The following GPC5 variants were observed in gnomAD, a reference collection of about 807,000 sequenced individuals.
GPC5 encodes the protein glypican-5.
Under a neutral mutation model 53.9 loss-of-function variants are expected in GPC5, and 47 were observed. The observed-to-expected ratio is 0.87, with a 90% CI of 0.69 to 1.11. The LOEUF is 1.11. Among genes scored for constraint, GPC5 ranks in the 50% most tolerant of loss-of-function variants. GPC5 has a pLI of 0.00. For synonymous variants in GPC5, 286 were observed against 263.3 expected (o/e 1.09, Z -0.84); for missense variants, 748 against 713.1 (o/e 1.05, Z -0.56).
intron 7 of GPC5, among the ~76,000 whole-genome samples, chr13:92,777,566 C>T (rs1875864500): frequency 6.6e-6 from 1 of 152,122 alleles, no homozygotes; most frequent in African/African-American, 2.4e-5. Context: ...TTGCAGTGAG[C>T]CGAGGTCACA....
intron 3 of GPC5, among the ~76,000 whole-genome samples, chr13:91,719,511 A>G (rs996588951): frequency 6.6e-6 from 1 of 152,228 alleles, no homozygotes; most frequent in African/African-American, 2.4e-5. Context: ...CAAGTCAGAT[A>G]TCTCACATTA....
intron 7 of GPC5, among the ~76,000 whole-genome samples, chr13:92,749,927 T>C (rs1213106727): frequency 2.0e-5 from 3 of 152,200 alleles, no homozygotes; most frequent in Admixed American, 6.5e-5. Context: ...GGGAATGTTA[T>C]AGTAGAAGTA....
intron 7 of GPC5, among the ~76,000 whole-genome samples, chr13:92,417,172 T>C (rs1876346184): frequency 6.6e-6 from 1 of 152,252 alleles, no homozygotes; most frequent in African/African-American, 2.4e-5. Flanking sequence ...GGGGACCATC[T>C]GCACAGGCAA....
intron 7 of GPC5, among the ~76,000 whole-genome samples, chr13:92,445,247 TTCTC>T (rs150266642): frequency 3.5e-5 from 5 of 144,270 alleles, no homozygotes; most frequent in African/African-American, 5.2e-5. Flanking sequence ...TTCCTTTCCT[TTCTC>T]TCTCTCTCTC....
intron 6 of GPC5, among the ~76,000 whole-genome samples, chr13:92,060,788 A>AT (rs5805726): frequency 0.96 from 146,102 of 152,042 alleles, 70,502 homozygotes; most frequent in East Asian, 1. Flanking sequence ...AGGAATTACA[A>AT]TTGAGAATAG....
intron 5 of GPC5, among the ~76,000 whole-genome samples, chr13:91,819,169 T>TC (rs1191917937): frequency 2.2e-5 from 3 of 139,038 alleles, no homozygotes; most frequent in African/African-American, 8.1e-5. Flanking sequence ...TTTTTTTTTT[T>TC]TTTTTTTTGA....
chr13:91,475,147 C>A (rs1233751313), intron 2 of GPC5, among the ~76,000 whole-genome samples: 1 of 152,176 alleles, frequency 6.6e-6, no homozygotes, highest in Non-Finnish European at 1.5e-5. Context: ...AAAGCACATG[C>A]CAGCTGTTGC....
rs914476140 is a variant in GPC5, at chr13:91,622,496, T to G, written c.326-70691T>G. On this transcript the variant is annotated intron_variant, in intron 2 of 7. Coordinates refer to ENST00000377067, the MANE Select transcript of GPC5 (RefSeq NM_004466.6). ...GGACGTTGTGGTTTAGGATTTTGAT[T>G]TTTTTTCTCAGTTTAAAATATTCAC... is the stretch of plus-strand genomic sequence containing the variant. 2.0e-5 allele frequency among the ~76,000 whole-genome samples: 3 copies of G among 152,108 alleles called. No individual in the cohort carries two copies. In the South Asian group the frequency reaches 6.2e-4, roughly 32 times the overall value.
intron 7 of GPC5, among the ~76,000 whole-genome samples, chr13:92,561,782 A>G (rs1339267876): frequency 1.3e-5 from 2 of 152,174 alleles, no homozygotes; most frequent in African/African-American, 4.8e-5. Context: ...TGGAGTTTCT[A>G]TGGCAGGAGG....
intron 7 of GPC5, among the ~76,000 whole-genome samples, chr13:92,331,684 T>G (rs1219899506): frequency 3.8e-5 from 2 of 51,988 alleles, no homozygotes; most frequent in African/African-American, 1.7e-4. Flanking sequence ...TACATAGGGT[T>G]TTTTTTTTTG....
In GPC5 at chr13:91,621,363, G is replaced by A. The variant is rs139409946; in HGVS notation, c.326-71824G>A. 3.1e-3 allele frequency among the ~76,000 whole-genome samples: 479 copies of A among 152,194 alleles called. 2 individuals carry two copies. Among genetic ancestry groups the A allele is most frequent in the African/African-American group, 0.011 (467 of 41,522 alleles). ...CCCCTGCTCTGTCCATGTGGTTCAA[G>A]TGAGGTTAACCTCGACACTAGATGA... On this transcript the variant is annotated intron_variant, in intron 2 of 7. Transcript: ENST00000377067.
chr13:91,960,155 T>C (rs2040113429), intron 6 of GPC5, among the ~76,000 whole-genome samples: 1 of 126,836 alleles, frequency 7.9e-6, no homozygotes, highest in South Asian at 2.9e-4. Context: ...ACTGATAATA[T>C]GATCTTATTC....
intron 7 of GPC5, among the ~76,000 whole-genome samples, chr13:92,530,962 C>A (rs1404851248): frequency 6.6e-6 from 1 of 152,180 alleles, no homozygotes; most frequent in Non-Finnish European, 1.5e-5. Context: ...CTGCTTAAAT[C>A]CTTCAGTAGT....
At chr13:92,446,858 TG>T (rs1245476772) in intron 7 of GPC5, 2 of 151,416 alleles carry the variant, frequency 1.3e-5, no homozygotes, top group African/African-American at 4.8e-5. Flanking sequence ...ATTGCAGTTT[TG>T]ATTTGCATTT....
chr13:91,607,577 A>G (rs567543998), intron 2 of GPC5, among the ~76,000 whole-genome samples: 10 of 152,362 alleles, frequency 6.6e-5, no homozygotes, highest in Admixed American at 2.0e-4. Flanking sequence ...AAAAAAGCAC[A>G]TTTTATTTAT....
At chr13:92,781,258 C>G (rs1414958241) in intron 7 of GPC5, among the ~76,000 whole-genome samples, 2 of 151,988 alleles carry the variant, frequency 1.3e-5, no homozygotes, top group Non-Finnish European at 2.9e-5. Flanking sequence ...GTAGTATCCA[C>G]AAAATATATA....
chr13:92,166,940 TCTCTCTCTCTCTCTCTCACA>T (rs1452061053), intron 7 of GPC5, among the ~76,000 whole-genome samples: 16 of 108,612 alleles, frequency 1.5e-4, no homozygotes, highest in African/African-American at 6.1e-4. Context: ...TCTCTCTCTC[TCTCTCTCTCTCTCTCTCACA>T]CACACACACA....
intron 2 of GPC5, among the ~76,000 whole-genome samples, chr13:91,474,633 C>A (rs1020885148): frequency 6.6e-6 from 1 of 151,908 alleles, no homozygotes; most frequent in Non-Finnish European, 1.5e-5. Flanking sequence ...ATTAAATTGC[C>A]CATTTATAGC....
intron 7 of GPC5, among the ~76,000 whole-genome samples, chr13:92,752,732 G>C (rs1874625397): frequency 6.6e-6 from 1 of 151,828 alleles, no homozygotes. Flanking sequence ...GGTGACGGAG[G>C]GCACCTGGAA....
Sources: allele counts gnomAD v4.1 joint callset (sites outside exome capture counted in the v4.1 genomes callset), GRCh38; gene constraint gnomAD v4.1.1; transcripts MANE v1.5; gene names NCBI Gene and HGNC (gene_info 2026-07-23, HGNC 2026-07-21).